The following LINGO1 variants were observed in gnomAD, a reference collection of about 807,000 sequenced individuals.
LINGO1 encodes the protein leucine rich repeat and Ig domain containing 1.
Under a neutral mutation model 37.3 loss-of-function variants are expected in LINGO1, and 11 were observed. The ratio of observed to expected loss-of-function variants is 0.29; its 90% CI spans 0.19 to 0.49. LINGO1 has a LOEUF of 0.49. Ranked by LOEUF, LINGO1 falls within the 20% of genes least tolerant of loss-of-function variation. LINGO1 has a pLI of 0.99. For synonymous variants in LINGO1, 387 were observed against 403.0 expected, an observed-to-expected ratio of 0.96 and a Z score of 0.48; for missense variants, 585 against 878.2, an observed-to-expected ratio of 0.67 and a Z score of 4.22.
intron 1 of LINGO1, among the ~76,000 whole-genome samples, chr15:77,756,485 GACACACACACACAC>G (rs35031617): frequency 1.9e-4 from 27 of 140,790 alleles, no homozygotes; most frequent in South Asian, 2.2e-4. Context: ...CAGACAGACA[GACACACACACACAC>G]ACACACACAC....
rs535547785 is a variant in LINGO1, at chr15:77,779,206, CA to C, written c.-257+7662del. On this transcript the variant is annotated intron_variant, in intron 1 of 3. Transcript: ENST00000561686. ...TCTCCTTGTATTTGTTTCTCCTTGA[CA>C]TGATCACTACCTAACACAGTACATA... 1.6e-4 allele frequency among the ~76,000 whole-genome samples: 24 copies of C among 152,204 alleles called. 1 individual carries two copies. In the South Asian group the frequency reaches 4.4e-3, roughly 28 times the overall value.
intron 2 of LINGO1, among the ~76,000 whole-genome samples, chr15:77,718,078 C>T (rs944142818): frequency 2.6e-5 from 4 of 150,946 alleles, no homozygotes; most frequent in South Asian, 2.1e-4. Flanking sequence ...ACAGAGACAG[C>T]GCCATCCCCC....
intron 1 of LINGO1, among the ~76,000 whole-genome samples, chr15:77,762,963 T>C (rs1596201229): frequency 6.6e-6 from 1 of 152,090 alleles, no homozygotes; most frequent in Admixed American, 6.5e-5. Context: ...GCCTGGCACG[T>C]AGTAGGTGCT....
At chr15:77,788,561 A>T (rs1217905185), upstream of LINGO1, 1 of 152,086 alleles carries the variant, frequency 6.6e-6, no homozygotes, top group Non-Finnish European at 1.5e-5. Context: ...TGGCCTCGGC[A>T]CTCCTTGAGG....
At chr15:77,681,328 T>G (rs1483179574) in intron 2 of LINGO1, among the ~76,000 whole-genome samples, 2 of 152,096 alleles carry the variant, frequency 1.3e-5, no homozygotes, top group African/African-American at 4.8e-5. Flanking sequence ...GGCCATAGCA[T>G]TTGCTCAGAT....
At chr15:77,786,257 G>A (rs940859857) in intron 1 of LINGO1, among the ~76,000 whole-genome samples, 14 of 152,182 alleles carry the variant, frequency 9.2e-5, no homozygotes, top group African/African-American at 3.1e-4. Flanking sequence ...ATGCCACTTG[G>A]GAGGAAAAAG....
At position 77,614,722 on chromosome 15, in the gene LINGO1, C is replaced by T. The variant is rs545112397; in HGVS notation, c.1185G>A (p.Thr395=). The change falls in exon 2 of 2, where the codon ACG becomes ACA. Residue 395 remains threonine, a synonymous_variant. Transcript: ENST00000355300. ...WRLNFNRQQP[T]CATPEFVQGK... is the part of the protein sequence containing the mutation. ...CCTGGACAAACTCGGGCGTGGCGCA[C>T]GTGGGCTGCTGCCGGTTGAAGTTGA... The T allele has an allele frequency of 1.0e-5, 16 of 1,607,238 alleles. No homozygotes were observed. Among genetic ancestry groups the T allele is most frequent in the South Asian group, 5.6e-5 (5 of 90,042 alleles).
At chr15:77,749,015 C>T (rs915885716) in intron 1 of LINGO1, among the ~76,000 whole-genome samples, 8 of 145,696 alleles carry the variant, frequency 5.5e-5, no homozygotes, top group African/African-American at 2.0e-4. Context: ...TCAAGCTATT[C>T]TCCTACCTCA....
intron 2 of LINGO1, among the ~76,000 whole-genome samples, chr15:77,709,706 C>T (rs1210230322): frequency 1.3e-5 from 2 of 152,238 alleles, no homozygotes; most frequent in African/African-American, 4.8e-5. Flanking sequence ...GCTGCAGGCC[C>T]ACTGCTTTGA....
chr15:77,641,501 T>C (rs1211995272), intron 3 of LINGO1, among the ~76,000 whole-genome samples: 1 of 152,108 alleles, frequency 6.6e-6, no homozygotes, highest in Non-Finnish European at 1.5e-5. Flanking sequence ...CTATAAATTA[T>C]TGAAGTTATA....
intron 1 of LINGO1, among the ~76,000 whole-genome samples, chr15:77,751,908 C>A (rs1188570655): frequency 6.6e-6 from 1 of 152,166 alleles, no homozygotes; most frequent in African/African-American, 2.4e-5. Context: ...TTTCCCAAGT[C>A]CCCCCTGTGT....
chr15:77,815,694 C>T (rs923011581), intron 1 of LINGO1, among the ~76,000 whole-genome samples: 1 of 152,114 alleles, frequency 6.6e-6, no homozygotes, highest in Non-Finnish European at 1.5e-5. Flanking sequence ...TGAGCCCTCG[C>T]CGAACTCTGA....
rs573055260 is a variant in LINGO1, at chr15:77,781,121, A to G, written c.-257+5748T>C. Among the ~76,000 whole-genome samples, 173 of 152,332 alleles carry G rather than the reference A, an allele frequency of 1.1e-3. 1 individual carries two copies. The highest frequency in any genetic ancestry group is 3.8e-3 in the African/African-American group (158 of 41,570). ...TCCTCAGTGATTTCTTTGAGATTTAATTTCTCTGCTGAGGAGCACAGGGAC... is the reference window on the plus strand; with the variant it reads ...TCCTCAGTGATTTCTTTGAGATTTAGTTTCTCTGCTGAGGAGCACAGGGAC... On this transcript the variant is annotated intron_variant, in intron 1 of 3. Transcript: ENST00000561686.
chr15:77,713,276 C>T (rs1025454727), intron 2 of LINGO1, among the ~76,000 whole-genome samples: 3 of 146,472 alleles, frequency 2.0e-5, no homozygotes, highest in Non-Finnish European at 4.5e-5. Context: ...CAGGGTTTCA[C>T]CATGTTGCCT....
At chr15:77,637,102 TAAAGG>T (rs987356579), upstream of LINGO1, among the ~76,000 whole-genome samples, 9 of 152,250 alleles carry the variant, frequency 5.9e-5, no homozygotes, top group African/African-American at 2.2e-4. The surrounding 1 kb of genome is among the most constrained non-coding windows in gnomAD (Gnocchi z 4.6). Context: ...CTGAGTATCT[TAAAGG>T]AAAGTCCCTC....
intron 3 of LINGO1, among the ~76,000 whole-genome samples, chr15:77,666,407 G>A (rs1439921254): frequency 6.6e-6 from 1 of 152,214 alleles, no homozygotes; most frequent in Non-Finnish European, 1.5e-5. Context: ...GTAATATGGG[G>A]CTAAGATGAG....
At chr15:77,687,638 C>T (rs1201168687) in intron 2 of LINGO1, among the ~76,000 whole-genome samples, 1 of 152,242 alleles carries the variant, frequency 6.6e-6, no homozygotes, top group African/African-American at 2.4e-5. Flanking sequence ...AGTCAGCCTT[C>T]TAGCGTGGAT....
intron 3 of LINGO1, among the ~76,000 whole-genome samples, chr15:77,658,676 T>A (rs1367029696): frequency 6.6e-6 from 1 of 152,230 alleles, no homozygotes; most frequent in African/African-American, 2.4e-5. Flanking sequence ...AATGTCTGCT[T>A]TCAGCACTAA....
chr15:77,782,478 C>A (rs1467082037), intron 1 of LINGO1, among the ~76,000 whole-genome samples: 1 of 152,192 alleles, frequency 6.6e-6, no homozygotes, highest in African/African-American at 2.4e-5. Flanking sequence ...AGCCTTTGAC[C>A]TTGGACCAGA....
Sources: allele counts gnomAD v4.1 joint callset (sites outside exome capture counted in the v4.1 genomes callset), GRCh38; gene constraint gnomAD v4.1.1; non-coding constraint Gnocchi (gnomAD v3.1); transcripts MANE v1.5; gene names NCBI Gene and HGNC (gene_info 2026-07-23, HGNC 2026-07-21).